The following NRXN3 variants were observed in gnomAD, a reference collection of about 807,000 sequenced individuals.
NRXN3 encodes the protein neurexin III.
A neutral mutation model predicts 137.6 loss-of-function variants in NRXN3; 32 were observed. That is an observed-to-expected ratio of 0.23 (90% CI 0.18 to 0.31). The LOEUF (loss-of-function observed/expected upper bound fraction) is 0.31, where lower values mean the gene tolerates loss of function less well. Among genes scored for constraint, NRXN3 ranks in the 10% least tolerant of loss-of-function variants. The pLI, the probability that NRXN3 is intolerant of heterozygous loss-of-function variation, is 1.00. For missense variants in NRXN3, 1,574 were observed against 2,062.5 expected, an observed-to-expected ratio of 0.76 and a Z score of 4.59; for synonymous variants, 798 against 784.5, an observed-to-expected ratio of 1.02 and a Z score of -0.29.
intron 4 of NRXN3, among the ~76,000 whole-genome samples, chr14:78,441,989 G>A (rs1230460778): frequency 2.6e-5 from 4 of 151,924 alleles, no homozygotes. Context: ...CCAGCTACTC[G>A]GGAGGCTGAG....
intron 17 of NRXN3, among the ~76,000 whole-genome samples, chr14:79,674,109 C>T (rs555248023): frequency 8.3e-4 from 126 of 152,006 alleles, no homozygotes; most frequent in African/African-American, 2.8e-3. Context: ...CAGACAGGGG[C>T]GAGCATGGAA....
chr14:79,338,043 C>T (rs1166901610), intron 15 of NRXN3, among the ~76,000 whole-genome samples: 1 of 152,012 alleles, frequency 6.6e-6, no homozygotes, highest in Non-Finnish European at 1.5e-5. Context: ...TTCCTTGGTT[C>T]TCCATGGAAG....
chr14:79,539,941 T>A (rs2097256161), intron 16 of NRXN3, among the ~76,000 whole-genome samples: 1 of 152,128 alleles, frequency 6.6e-6, no homozygotes, highest in African/African-American at 2.4e-5. Flanking sequence ...TTCTAGGGAC[T>A]TTTCTTCTCC....
chr14:79,745,062 G>A (rs2098975429), intron 19 of NRXN3, among the ~76,000 whole-genome samples: 1 of 150,636 alleles, frequency 6.6e-6, no homozygotes, highest in Non-Finnish European at 1.5e-5. Context: ...ATTGTTTTTA[G>A]CTAACTCTAC....
intron 1 of NRXN3, among the ~76,000 whole-genome samples, chr14:78,206,034 A>G (rs145365036): frequency 1.5e-3 from 226 of 152,324 alleles, no homozygotes; most frequent in African/African-American, 4.6e-3. Context: ...GATGAGGCCA[A>G]GAAACCAGAT....
intron 8 of NRXN3, among the ~76,000 whole-genome samples, chr14:78,767,930 G>A (rs983743242): frequency 1.3e-5 from 2 of 151,894 alleles, no homozygotes; most frequent in African/African-American, 2.4e-5. Context: ...TCCTTAGTAA[G>A]GACAATGACA....
chr14:78,884,775 G>A (rs980679339), intron 10 of NRXN3, among the ~76,000 whole-genome samples: 1 of 152,112 alleles, frequency 6.6e-6, no homozygotes, highest in African/African-American at 2.4e-5. Flanking sequence ...AACAGCCTAT[G>A]TCTTAATTCT....
In NRXN3 at chr14:78,577,807, A is replaced by C. The variant is rs552082711; in HGVS notation, c.758-67313A>C. Among the ~76,000 whole-genome samples, 30 of 152,314 alleles carry C rather than the reference A, an allele frequency of 2.0e-4. 1 individual carries two copies. In the South Asian group the frequency reaches 6.2e-3, roughly 32 times the overall value. ...TTAAATAACTCACCTCATATCCTAA[A>C]GATTAATAATAGTGAAACTGACTAA... On this transcript the variant is annotated intron_variant, in intron 4 of 20. Coordinates refer to ENST00000335750, the MANE Select transcript of NRXN3 (RefSeq NM_001330195.2).
At position 79,752,655 on chromosome 14, in the gene NRXN3, TG is replaced by T. The variant is rs1026302425; in HGVS notation, c.4015-52454del. ...GGCATTACCATTCAGGACATAGGCA[TG>T]GGCAAGGACTTCATGTCTAAAACAC... On this transcript the variant is annotated intron_variant, in intron 19 of 20. Coordinates refer to ENST00000335750, the MANE Select transcript of NRXN3 (RefSeq NM_001330195.2). Among the ~76,000 whole-genome samples, 690 of 152,202 alleles carry T rather than the reference TG, an allele frequency of 4.5e-3. 4 individuals are homozygous for T. The highest frequency in any genetic ancestry group is 0.016 in the African/African-American group (670 of 41,536).
chr14:79,545,114 T>A (rs1462331658), intron 16 of NRXN3, among the ~76,000 whole-genome samples: 1 of 152,206 alleles, frequency 6.6e-6, no homozygotes, highest in Non-Finnish European at 1.5e-5. Flanking sequence ...CTCCACTTGT[T>A]TTCAAGCCCC....
intron 4 of NRXN3, among the ~76,000 whole-genome samples, chr14:78,451,823 G>A (rs550715318): frequency 1.7e-4 from 26 of 152,308 alleles, no homozygotes; most frequent in Admixed American, 1.6e-3. Flanking sequence ...CATTTACTCT[G>A]GCCATTCTTC....
rs572221549 is a variant in NRXN3 at position 78,721,182 on chromosome 14, G to T, written c.2044+6043G>T. Among the ~76,000 whole-genome samples the T allele has an allele frequency of 2.0e-4, 30 of 152,306 alleles. No homozygotes were observed. In the South Asian group the frequency reaches 5.6e-3, roughly 28 times the overall value. On this transcript the variant is annotated intron_variant, in intron 8 of 20. Coordinates refer to ENST00000335750, the MANE Select transcript of NRXN3 (RefSeq NM_001330195.2). Reference sequence around the variant, plus strand: ...TCTGGATTCACTGAGGTCTTGCTCAGACTATCTCACTGGTGTGGGAATAAG... The same window carrying T: ...TCTGGATTCACTGAGGTCTTGCTCATACTATCTCACTGGTGTGGGAATAAG...
chr14:78,803,858 G>T lies in NRXN3; in HGVS notation c.2248+35G>T, dbSNP rs771351925. The T allele has an allele frequency of 1.4e-5, 22 of 1,574,484 alleles. No individual in the cohort carries two copies. The South Asian group carries it at 2.2e-4, about 16-fold the overall frequency. ...GAAGTACCCTCTGCCACTTCGTTTG[G>T]GCTTGTCTTCCCTTTCTTTTCTGAT... On this transcript the variant is annotated intron_variant, in intron 9 of 20. Transcript: ENST00000335750.
intron 19 of NRXN3, among the ~76,000 whole-genome samples, chr14:79,739,514 G>A (rs887653032): frequency 2.0e-5 from 3 of 151,602 alleles, no homozygotes; most frequent in Non-Finnish European, 2.9e-5. Context: ...CATGGTGGTG[G>A]GCATCTGTAA....
chr14:79,795,637 A>C (rs116672716), intron 19 of NRXN3, among the ~76,000 whole-genome samples: 331 of 152,318 alleles, frequency 2.2e-3, no homozygotes, highest in African/African-American at 7.8e-3. Flanking sequence ...TCAAATACCA[A>C]AACTTGCTTT....
chr14:79,275,527 G>T (rs2080145004), intron 15 of NRXN3, among the ~76,000 whole-genome samples: 1 of 152,084 alleles, frequency 6.6e-6, no homozygotes, highest in African/African-American at 2.4e-5. Flanking sequence ...GTACAGTACT[G>T]TAGAAAACAA....
At chr14:78,432,362 T>A (rs1052458623) in intron 4 of NRXN3, among the ~76,000 whole-genome samples, 5 of 151,860 alleles carry the variant, frequency 3.3e-5, no homozygotes, top group African/African-American at 1.2e-4. Flanking sequence ...CAGTACTGTC[T>A]CCTTTTATCT....
chr14:79,325,530 T>G (rs1360136065), intron 15 of NRXN3, among the ~76,000 whole-genome samples: 1 of 152,222 alleles, frequency 6.6e-6, no homozygotes, highest in East Asian at 1.9e-4. Flanking sequence ...AGTAAAGACT[T>G]ACATATTTAA....
intron 4 of NRXN3, among the ~76,000 whole-genome samples, chr14:78,471,828 C>G (rs1482514617): frequency 6.6e-6 from 1 of 152,162 alleles, no homozygotes; most frequent in Admixed American, 6.5e-5. Context: ...CACTCTATTG[C>G]TAGTTGGGGC....
Sources: gnomAD v4.1 joint callset for allele counts (sites outside exome capture counted in the v4.1 genomes callset) on GRCh38, gnomAD v4.1.1 for gene constraint, MANE v1.5 for transcripts, NCBI Gene and HGNC (gene_info 2026-07-23, HGNC 2026-07-21) for gene names.